The following ATRNL1 variants were observed in gnomAD, a reference collection of about 807,000 sequenced individuals.
ATRNL1 encodes the protein attractin-like protein 1.
ATRNL1 carries 95 observed loss-of-function variants against 182.7 expected under a neutral mutation model. That is an observed-to-expected ratio of 0.52 (90% CI 0.44 to 0.62). The LOEUF is 0.62. Ranked by LOEUF, ATRNL1 falls within the 20% of genes least tolerant of loss-of-function variation. The pLI is 0.00. For missense variants in ATRNL1, 1,471 were observed against 1,679.5 expected (o/e 0.88, Z 2.17); for synonymous variants, 576 against 568.3 (o/e 1.01, Z -0.19).
At chr10:115,700,120 A>G (rs72641358) in intron 26 of ATRNL1, among the ~76,000 whole-genome samples, 3,814 of 152,190 alleles carry the variant, frequency 0.025, 134 homozygotes, top group East Asian at 0.2. Context: ...CAATGTCTTT[A>G]CCATTGTGAA....
At chr10:115,538,712 T>A (rs1554991150) in intron 25 of ATRNL1, among the ~76,000 whole-genome samples, 1 of 152,176 alleles carries the variant, frequency 6.6e-6, no homozygotes, top group Non-Finnish European at 1.5e-5. Context: ...AAAATTCAAT[T>A]TAATGCATTT....
chr10:115,501,052 C>T (rs1315945457), intron 24 of ATRNL1, among the ~76,000 whole-genome samples: 1 of 150,452 alleles, frequency 6.6e-6, no homozygotes, highest in Non-Finnish European at 1.5e-5. Context: ...CCTGCCTTAG[C>T]CTCCCAAGTA....
intron 26 of ATRNL1, among the ~76,000 whole-genome samples, chr10:115,593,045 G>A (rs1856008984): frequency 1.3e-5 from 2 of 152,166 alleles, no homozygotes; most frequent in South Asian, 2.1e-4. Context: ...GAGTTCTGGA[G>A]CCTGAAAAGT....
intron 15 of ATRNL1, among the ~76,000 whole-genome samples, chr10:115,295,196 C>G (rs1554922145): frequency 7.2e-5 from 11 of 151,822 alleles, no homozygotes; most frequent in Non-Finnish European, 1.5e-5. Flanking sequence ...GCCCAGGAGA[C>G]AAGTTGAAGG....
intron 26 of ATRNL1, among the ~76,000 whole-genome samples, chr10:115,721,221 GACA>G (rs1947413919): frequency 6.6e-6 from 1 of 152,092 alleles, no homozygotes; most frequent in East Asian, 1.9e-4. Flanking sequence ...TTATCCAGGT[GACA>G]ACAAGACCCT....
chr10:115,916,566 A>G (rs181539167), intron 28 of ATRNL1, among the ~76,000 whole-genome samples: 32 of 152,354 alleles, frequency 2.1e-4, no homozygotes, highest in African/African-American at 7.5e-4. Flanking sequence ...AGGTTATAGC[A>G]CTTGGCTGCA....
chr10:115,610,110 G>T (rs1040359808), intron 26 of ATRNL1, among the ~76,000 whole-genome samples: 1 of 152,098 alleles, frequency 6.6e-6, no homozygotes, highest in South Asian at 2.1e-4. Flanking sequence ...TTTGTGAGAT[G>T]AATAAAATTA....
rs375950016 is a variant in ATRNL1 at position 115,468,371 on chromosome 10, T to G, written c.3497-801T>G. Among the ~76,000 whole-genome samples, 38 of 150,998 alleles carry G rather than the reference T, an allele frequency of 2.5e-4. 1 individual carries two copies. In the South Asian group the frequency reaches 7.7e-3, roughly 30 times the overall value. ...TTCCCAGACCAAATCTCAGAAATTT[T>G]TATTTATCAGATTTGGAGATGAAGT... is the stretch of plus-strand genomic sequence containing the variant. On this transcript the variant is annotated intron_variant, in intron 23 of 28. Coordinates refer to ENST00000355044, the MANE Select transcript of ATRNL1 (RefSeq NM_207303.4).
At chr10:115,289,789 T>A (rs1852803872) in intron 15 of ATRNL1, among the ~76,000 whole-genome samples, 1 of 152,220 alleles carries the variant, frequency 6.6e-6, no homozygotes, top group Non-Finnish European at 1.5e-5. Context: ...ACTACAACTT[T>A]GTAGTGTATT....
rs373539706 is a variant in ATRNL1 at position 115,600,332 on chromosome 10, C to T, written c.3795+50796C>T. On this transcript the variant is annotated intron_variant, in intron 26 of 28. Transcript: ENST00000355044. ...ATTTTATTAGAAAATGCCAAACCCT[C>T]TTCCAAAAGGATTGTATAATACCAC... 1.2e-4 allele frequency among the ~76,000 whole-genome samples: 18 copies of T among 152,260 alleles called. No individual in the cohort carries two copies. In the East Asian group the frequency reaches 2.3e-3, roughly 20 times the overall value.
chr10:115,234,939 T>C (rs1031787949), intron 9 of ATRNL1, among the ~76,000 whole-genome samples: 1 of 152,186 alleles, frequency 6.6e-6, no homozygotes, highest in Non-Finnish European at 1.5e-5. Context: ...TGGTTTTCCC[T>C]TTTTATACTC....
At chr10:115,747,999 C>T (rs1157674362) in intron 27 of ATRNL1, among the ~76,000 whole-genome samples, 6 of 151,980 alleles carry the variant, frequency 3.9e-5, no homozygotes, top group African/African-American at 1.4e-4. Flanking sequence ...CACCTGATAA[C>T]ACCAGGACTT....
intron 28 of ATRNL1, among the ~76,000 whole-genome samples, chr10:115,928,166 C>T (rs1836850580): frequency 6.6e-6 from 1 of 151,964 alleles, no homozygotes; most frequent in Admixed American, 6.6e-5. Context: ...TCAGTAGTCT[C>T]GTATCTTACA....
At chr10:115,702,693 G>A (rs540081595) in intron 26 of ATRNL1, among the ~76,000 whole-genome samples, 2 of 151,942 alleles carry the variant, frequency 1.3e-5, no homozygotes, top group African/African-American at 4.8e-5. Flanking sequence ...ATTTACAATA[G>A]TCACACAAAA....
intron 1 of ATRNL1, among the ~76,000 whole-genome samples, chr10:115,117,978 G>A (rs961594410): frequency 1.3e-5 from 2 of 151,958 alleles, no homozygotes; most frequent in South Asian, 2.1e-4. Context: ...TTTCATGTAC[G>A]TATTTGAAAT....
At chr10:115,108,007 C>T (rs1554866550) in intron 1 of ATRNL1, among the ~76,000 whole-genome samples, 2 of 152,156 alleles carry the variant, frequency 1.3e-5, no homozygotes, top group Non-Finnish European at 2.9e-5. Context: ...CTCTTTCTAT[C>T]TTGATGAATA....
intron 26 of ATRNL1, among the ~76,000 whole-genome samples, chr10:115,622,878 G>C (rs1857860513): frequency 6.6e-6 from 1 of 151,956 alleles, no homozygotes. Flanking sequence ...AGTGAGCCGA[G>C]ATCGCGCCAC....
intron 1 of ATRNL1, among the ~76,000 whole-genome samples, chr10:115,116,546 C>T (rs1489655770): frequency 6.6e-6 from 1 of 152,030 alleles, no homozygotes; most frequent in African/African-American, 2.4e-5. Flanking sequence ...TAAAGAGGTC[C>T]AAAGTATGTA....
intron 18 of ATRNL1, among the ~76,000 whole-genome samples, chr10:115,331,452 C>G (rs367626337): frequency 6.6e-6 from 1 of 152,110 alleles, no homozygotes; most frequent in Non-Finnish European, 1.5e-5. Context: ...TTGAATTTCT[C>G]TAACAAATTC....
Sources: gnomAD v4.1 joint callset for allele counts (sites outside exome capture counted in the v4.1 genomes callset) on GRCh38, gnomAD v4.1.1 for gene constraint, MANE v1.5 for transcripts, NCBI Gene and HGNC (gene_info 2026-07-23, HGNC 2026-07-21) for gene names.